The following ACSM6 variants were observed in gnomAD, a reference collection of about 807,000 sequenced individuals.
The protein encoded by ACSM6 is acyl-coenzyme A synthetase ACSM6, mitochondrial.
A neutral mutation model predicts 51.1 loss-of-function variants in ACSM6; 35 were observed. The ratio of observed to expected loss-of-function variants is 0.69; its 90% confidence interval spans 0.52 to 0.91. The LOEUF is 0.91. Among genes scored for constraint, ACSM6 ranks in the 40% least tolerant of loss-of-function variants. The pLI is 0.00. For missense variants in ACSM6, 509 were observed against 584.1 expected (o/e 0.87, Z 1.32); for synonymous variants, 172 against 207.3 (o/e 0.83, Z 1.46).
rs1212128026 is a variant in ACSM6 at position 95,202,134 on chromosome 10, G to A, written c.342G>A (p.Leu114=). 18 of 1,552,178 alleles carry A rather than the reference G, an allele frequency of 1.2e-5. 1 individual carries two copies. The East Asian group carries it at 3.7e-4, about 32-fold the overall frequency. The change falls in exon 3 of 11, where the codon CTG becomes CTA. Residue 114 remains leucine (L), a synonymous_variant. Transcript: ENST00000341686. ...GTGCCCTTAGCCATGGAGACCGGCTGATGATAATCTTGCCCCCAACACCTG... is the reference window on the plus strand; with the variant it reads ...GTGCCCTTAGCCATGGAGACCGGCTAATGATAATCTTGCCCCCAACACCTG...
intron 8 of ACSM6, among the ~76,000 whole-genome samples, chr10:95,216,545 G>A (rs2034946881): frequency 3.3e-5 from 5 of 152,102 alleles, no homozygotes; most frequent in Admixed American, 3.3e-4. Flanking sequence ...CTGAGAGGTT[G>A]GTAAATTATA....
exon 3 of ACSM6, chr10:95,202,020 G>A: frequency 6.4e-7 from 1 of 1,551,742 alleles, no homozygotes; most frequent in Non-Finnish European, 8.7e-7. Flanking sequence ...CCCTCTGGAA[G>A]GTTAGTGCCA....
chr10:95,201,389 T>C, intron 2 of ACSM6: 2 of 434,314 alleles, frequency 4.6e-6, no homozygotes, highest in Admixed American at 2.4e-5. Context: ...CTCCCACTTA[T>C]AAGTGAAAAC....
At chr10:95,195,304 T>C (rs2034714129) in intron 2 of ACSM6, among the ~76,000 whole-genome samples, 2 of 152,168 alleles carry the variant, frequency 1.3e-5, no homozygotes, top group African/African-American at 4.8e-5. Context: ...ATTTACTGCA[T>C]CCTGAAGAAT....
chr10:95,225,325 G>T lies in ACSM6; in HGVS notation c.1236G>T (p.Gly412=), dbSNP rs752704273. ...AAAACTCAAATCTCCTGCCTCCAGG[G>T]GAAGAAGGAAATATTGCAATCCGCA... Residue 412 remains glycine, a synonymous_variant, in exon 10 of 11, where the codon GGG becomes GGT. Coordinates refer to ENST00000341686, the Ensembl canonical transcript of ACSM6. 4.5e-6 allele frequency: 7 copies of T among 1,551,636 alleles called. No homozygotes were observed. The South Asian group carries it at 8.3e-5, about 18-fold the overall frequency.
chr10:95,202,105 A>C (rs1430411338), exon 3 of ACSM6: 2 of 1,552,100 alleles, frequency 1.3e-6, no homozygotes, highest in Non-Finnish European at 8.7e-7. Context: ...CCTCTCAGAC[A>C]CCTGTGCCCT....
At chr10:95,223,841 G>T (rs891809194) in intron 9 of ACSM6, among the ~76,000 whole-genome samples, 1 of 151,824 alleles carries the variant, frequency 6.6e-6, no homozygotes, top group Non-Finnish European at 1.5e-5. Flanking sequence ...ATCCCAATTG[G>T]AAAAGAAGAA....
In ACSM6 at chr10:95,228,799, G is replaced by A. The variant is rs533083270; in HGVS notation, c.*15G>A. 1,036 of 1,549,876 alleles carry A rather than the reference G, an allele frequency of 6.7e-4. 1 individual carries two copies. The highest frequency in any genetic ancestry group is 1.0e-3 in the Admixed American group (53 of 50,824). ...AGAGATTGTGAATGCTTTGGTTATT[G>A]CTATTGAGCCTGGGGCTGTGGGAGT... On this transcript the variant is annotated 3_prime_UTR_variant, in exon 11 of 11. Transcript: ENST00000341686.
chr10:95,198,890 G>A (rs1366926884), intron 2 of ACSM6, among the ~76,000 whole-genome samples: 2 of 152,108 alleles, frequency 1.3e-5, no homozygotes, highest in East Asian at 1.9e-4. Context: ...ATGCTCACGG[G>A]TAGGAAGAAT....
intron 9 of ACSM6, among the ~76,000 whole-genome samples, chr10:95,221,019 A>G (rs913043262): frequency 2.0e-5 from 3 of 152,132 alleles, no homozygotes. Context: ...GAATAAAATG[A>G]GCATGTAATT....
exon 11 of ACSM6, chr10:95,228,778 A>C (rs532671466): frequency 3.2e-6 from 5 of 1,550,988 alleles, no homozygotes; most frequent in African/African-American, 2.7e-5. Context: ...TGGGTCAGAG[A>C]TTGTGAATGC....
At chr10:95,211,809 T>C (rs766178006) in intron 5 of ACSM6, 69 bp from the exon 6 acceptor site, 97 of 1,455,930 alleles carry the variant, frequency 6.7e-5, no homozygotes, top group Non-Finnish European at 8.5e-5. Context: ...GGCTTGATAA[T>C]AGCAAGTATT....
At chr10:95,224,067 C>A (rs1463047075) in intron 9 of ACSM6, among the ~76,000 whole-genome samples, 1 of 151,988 alleles carries the variant, frequency 6.6e-6, no homozygotes, top group Admixed American at 6.6e-5. Context: ...TTTTTTAAAT[C>A]TCATTTAAAA....
intron 9 of ACSM6, among the ~76,000 whole-genome samples, chr10:95,220,429 C>T (rs2034986087): frequency 6.6e-6 from 1 of 152,136 alleles, no homozygotes; most frequent in Admixed American, 6.5e-5. Flanking sequence ...GCTGAATTCA[C>T]AGTATGGGCA....
At chr10:95,196,090 T>A (rs1473768812) in intron 2 of ACSM6, among the ~76,000 whole-genome samples, 1 of 151,624 alleles carries the variant, frequency 6.6e-6, no homozygotes, top group African/African-American at 2.4e-5. Context: ...AGGCACTATG[T>A]GTGAGTCCTG....
intron 10 of ACSM6, among the ~76,000 whole-genome samples, chr10:95,227,793 C>T (rs1023473118): frequency 5.9e-5 from 9 of 152,312 alleles, no homozygotes; most frequent in Non-Finnish European, 1.3e-4. Flanking sequence ...TCTGGCCGGG[C>T]GCGGTGGCTC....
At position 95,195,609 on chromosome 10, in the gene ACSM6, C is replaced by A. The variant is rs576397634; in HGVS notation, c.192+932C>A. 2.0e-5 allele frequency among the ~76,000 whole-genome samples: 3 copies of A among 152,288 alleles called. No individual in the cohort carries two copies. In the East Asian group the frequency reaches 5.8e-4, roughly 29 times the overall value. On this transcript the variant is annotated intron_variant, in intron 2 of 10. Transcript: ENST00000341686. ...TGTCAAGTGGGGCTGGTGGTGCCCG[C>A]AGGAGAATCCAGTGCGTGTGGAGAG...
At chr10:95,218,638 T>A (rs1016675035) in intron 8 of ACSM6, among the ~76,000 whole-genome samples, 5 of 152,164 alleles carry the variant, frequency 3.3e-5, no homozygotes, top group Non-Finnish European at 2.9e-5. Context: ...CTTTGGAAAA[T>A]TCTTGGAACA....
intron 8 of ACSM6, among the ~76,000 whole-genome samples, chr10:95,216,398 G>A (rs1052137039): frequency 1.4e-4 from 22 of 152,126 alleles, no homozygotes; most frequent in African/African-American, 4.3e-4. Flanking sequence ...CTGGAGATCA[G>A]GATCAAGGAA....
Sources: gnomAD v4.1 joint callset for allele counts (sites outside exome capture counted in the v4.1 genomes callset) on GRCh38, gnomAD v4.1.1 for gene constraint, MANE v1.5 for transcripts, NCBI Gene and HGNC (gene_info 2026-07-23, HGNC 2026-07-21) for gene names.